CCDC171: variants seen among roughly 807,000 people sequenced by gnomAD.
CCDC171 encodes coiled-coil domain containing 171.
A neutral mutation model predicts 168.2 loss-of-function variants in CCDC171; 177 were observed. The ratio of observed to expected loss-of-function variants is 1.05; its 90% CI spans 0.93 to 1.19. CCDC171 has a LOEUF of 1.19. CCDC171 is among the 50% of genes most tolerant of loss of function. The pLI is 0.00. For missense variants in CCDC171, 1,991 were observed against 1,539.0 expected, an observed-to-expected ratio of 1.29 and a Z score of -4.91; for synonymous variants, 687 against 540.8, an observed-to-expected ratio of 1.27 and a Z score of -3.75.
chr9:15,637,946 T>G (rs1420889724), intron 7 of CCDC171, among the ~76,000 whole-genome samples: 2 of 152,146 alleles, frequency 1.3e-5, no homozygotes, highest in African/African-American at 4.8e-5. Context: ...GCATGTGTCT[T>G]TATAACAGCA....
At chr9:16,017,593 G>C (rs1589329405) in intron 3 of CCDC171, among the ~76,000 whole-genome samples, 2 of 152,158 alleles carry the variant, frequency 1.3e-5, no homozygotes, top group East Asian at 3.9e-4. Context: ...TTACCAAAAA[G>C]CTTATACTTA....
At chr9:15,918,244 G>C (rs1824816262) in intron 24 of CCDC171, among the ~76,000 whole-genome samples, 1 of 151,566 alleles carries the variant, frequency 6.6e-6, no homozygotes, top group Non-Finnish European at 1.5e-5. Flanking sequence ...TATGCTACAT[G>C]GTCCCTGCAC....
intron 23 of CCDC171, among the ~76,000 whole-genome samples, chr9:15,851,472 A>G (rs1283595997): frequency 1.3e-5 from 2 of 151,932 alleles, no homozygotes; most frequent in Non-Finnish European, 2.9e-5. Flanking sequence ...AAAAATAAGA[A>G]CGAGAAGAAA....
chr9:15,837,402 C>G (rs1482873479), intron 21 of CCDC171, among the ~76,000 whole-genome samples: 2 of 152,158 alleles, frequency 1.3e-5, no homozygotes, highest in African/African-American at 4.8e-5. Flanking sequence ...CAAAATGGTA[C>G]TATTTACTGA....
chr9:15,649,900 T>C (rs2047367784), intron 7 of CCDC171, among the ~76,000 whole-genome samples: 1 of 152,200 alleles, frequency 6.6e-6, no homozygotes, highest in Admixed American at 6.5e-5. Context: ...CATTACTGGG[T>C]ATACACCCAA....
At chr9:15,887,198 A>G (rs1421538949) in intron 24 of CCDC171, among the ~76,000 whole-genome samples, 1 of 152,226 alleles carries the variant, frequency 6.6e-6, no homozygotes, top group Non-Finnish European at 1.5e-5. Context: ...CACAAAGTAT[A>G]TATATATTAA....
chr9:15,631,609 C>T (rs1254563599), intron 7 of CCDC171, among the ~76,000 whole-genome samples: 1 of 152,200 alleles, frequency 6.6e-6, no homozygotes, highest in Non-Finnish European at 1.5e-5. Flanking sequence ...GAACTGGTAC[C>T]ATTCCTTCTG....
In CCDC171 at chr9:15,824,657, A is replaced by G. The variant is rs563158173; in HGVS notation, c.3268-22045A>G. 3.3e-5 allele frequency among the ~76,000 whole-genome samples: 5 copies of G among 152,254 alleles called. No individual in the cohort carries two copies. The South Asian group carries it at 6.2e-4, about 19-fold the overall frequency. On this transcript the variant is annotated intron_variant, in intron 21 of 25. Coordinates refer to ENST00000380701, the MANE Select transcript of CCDC171 (RefSeq NM_173550.4). ...AAAATAGATGAACAGAACAACGTAT[A>G]TACAGGAAGCTGGCTAATTTCTATC...
intron 9 of CCDC171, among the ~76,000 whole-genome samples, 187 bp downstream of exon 9, chr9:15,666,510 A>G (rs1322166638): frequency 6.6e-6 from 1 of 152,208 alleles, no homozygotes; most frequent in Non-Finnish European, 1.5e-5. Flanking sequence ...GCTCTTTTGG[A>G]TATTGAAGTA....
intron 7 of CCDC171, among the ~76,000 whole-genome samples, chr9:15,650,967 G>C (rs577508874): frequency 6.6e-6 from 1 of 152,036 alleles, no homozygotes; most frequent in Admixed American, 6.6e-5. Context: ...CCTTCTAACT[G>C]TATGTTTGTA....
At chr9:15,738,414 GGT>G (rs1432288342) in intron 16 of CCDC171, among the ~76,000 whole-genome samples, 8 of 152,194 alleles carry the variant, frequency 5.3e-5, no homozygotes, top group Non-Finnish European at 8.8e-5. Context: ...TTGTGTAAAA[GGT>G]ATGCATTCTA....
chr9:15,750,933 A>G (rs1299431186), intron 18 of CCDC171, among the ~76,000 whole-genome samples: 1 of 152,224 alleles, frequency 6.6e-6, no homozygotes, highest in Non-Finnish European at 1.5e-5. Flanking sequence ...GGCCAGGACA[A>G]TCAGGCAAGA....
chr9:15,996,316 G>A (rs896088235), intron 3 of CCDC171, among the ~76,000 whole-genome samples: 5 of 151,922 alleles, frequency 3.3e-5, no homozygotes, highest in African/African-American at 1.2e-4. Context: ...GCGCCTGGCC[G>A]GCACACCTGC....
chr9:15,916,515 G>C (rs886326915), intron 24 of CCDC171, among the ~76,000 whole-genome samples: 3 of 151,906 alleles, frequency 2.0e-5, no homozygotes, highest in Non-Finnish European at 2.9e-5. Context: ...TAAAATATTT[G>C]ATATTTTGGC....
rs543012815 is a variant in CCDC171, at chr9:15,949,206, T to C, written c.3754-22403T>C. ...TATCTCAGTTTTGGTACCAGTACCA[T>C]GCTGTTTTGGTTACTGTAGCCTTGT... On this transcript the variant is annotated intron_variant, in intron 25 of 25. Coordinates refer to ENST00000380701, the MANE Select transcript of CCDC171 (RefSeq NM_173550.4). Among the ~76,000 whole-genome samples, 249 of 152,248 alleles carry C rather than the reference T, an allele frequency of 1.6e-3. 1 individual carries two copies. The highest frequency in any genetic ancestry group is 0.014 in the Middle Eastern group (4 of 294).
intron 6 of CCDC171, among the ~76,000 whole-genome samples, chr9:15,605,544 G>C (rs990029937): frequency 6.8e-6 from 1 of 146,722 alleles, no homozygotes; most frequent in African/African-American, 2.5e-5. Context: ...AAAATTAGCC[G>C]GGAGTAGTGG....
chr9:15,803,161 C>T (rs562953749), intron 21 of CCDC171, among the ~76,000 whole-genome samples: 37 of 152,052 alleles, frequency 2.4e-4, no homozygotes, highest in Admixed American at 4.6e-4. Flanking sequence ...GGATATTAGA[C>T]CTTTGTCAGA....
chr9:15,694,742 C>T (rs543379466), intron 10 of CCDC171, among the ~76,000 whole-genome samples: 87 of 152,326 alleles, frequency 5.7e-4, no homozygotes, highest in African/African-American at 2.0e-3. Flanking sequence ...TCCAGTGCTT[C>T]CATTCCCTAC....
At chr9:15,553,916 G>A (rs2038556395) in intron 1 of CCDC171, among the ~76,000 whole-genome samples, 1 of 151,256 alleles carries the variant, frequency 6.6e-6, no homozygotes, top group Admixed American at 6.6e-5. Flanking sequence ...AGATAAATAC[G>A]TCTTTATTTT....
Sources: allele counts gnomAD v4.1 joint callset (sites outside exome capture counted in the v4.1 genomes callset), GRCh38; gene constraint gnomAD v4.1.1; transcripts MANE v1.5; gene names NCBI Gene and HGNC (gene_info 2026-07-23, HGNC 2026-07-21).